ZFR2: variants seen among roughly 807,000 people sequenced by gnomAD.
ZFR2 encodes zinc finger RNA-binding protein 2.
A neutral mutation model predicts 105.7 loss-of-function variants in ZFR2; 104 were observed. The observed-to-expected ratio is 0.98, with a 90% CI of 0.84 to 1.16. The LOEUF (loss-of-function observed/expected upper bound fraction) is 1.16, where lower values mean the gene tolerates loss of function less well. Among genes scored for constraint, ZFR2 ranks in the 50% most tolerant of loss-of-function variants. ZFR2 has a pLI of 0.00. For synonymous variants in ZFR2, 634 were observed against 597.7 expected (o/e 1.06, Z -0.89); for missense variants, 1,425 against 1,355.5 (o/e 1.05, Z -0.80).
At chr19:3,864,021 G>A (rs1305426360) in intron 1 of ZFR2, among the ~76,000 whole-genome samples, 2 of 152,116 alleles carry the variant, frequency 1.3e-5, no homozygotes, top group African/African-American at 2.4e-5. Flanking sequence ...AGAGTGTGAT[G>A]GCGTTCCAAC....
chr19:3,846,524 G>A (rs1305715063), intron 1 of ZFR2, among the ~76,000 whole-genome samples: 2 of 152,282 alleles, frequency 1.3e-5, no homozygotes, highest in East Asian at 1.9e-4. Context: ...CATATGGTAG[G>A]CAGGCTTCCA....
intron 12 of ZFR2, among the ~76,000 whole-genome samples, chr19:3,817,126 G>A (rs1286319639): frequency 6.6e-6 from 1 of 152,170 alleles, no homozygotes; most frequent in Non-Finnish European, 1.5e-5. Flanking sequence ...CAAACGCTAA[G>A]CCCCAGGCCC....
intron 16 of ZFR2, among the ~76,000 whole-genome samples, chr19:3,810,162 C>T (rs561385083): frequency 1.6e-4 from 24 of 152,076 alleles, no homozygotes; most frequent in Non-Finnish European, 2.5e-4. Flanking sequence ...GGGGGACGCC[C>T]GCAGGGCGGG....
At chr19:3,807,368 G>C (rs1161033015) in intron 17 of ZFR2, 99 bp from the exon 18 acceptor site, 1 of 835,296 alleles carries the variant, frequency 1.2e-6, no homozygotes. Flanking sequence ...TCAGGGGCCC[G>C]TGCATGGGGC....
intron 1 of ZFR2, among the ~76,000 whole-genome samples, chr19:3,850,900 C>CAAA (rs59933286): frequency 9.4e-4 from 87 of 92,406 alleles, no homozygotes; most frequent in Middle Eastern, 6.4e-3. Context: ...GCAGTCTTTT[C>CAAA]AAAAAAAAAA....
intron 10 of ZFR2, 134 bp downstream of exon 10, chr19:3,821,206 G>A (rs375548867): frequency 1.2e-4 from 153 of 1,278,344 alleles, no homozygotes; most frequent in South Asian, 3.6e-4. Flanking sequence ...CCCACTGCCC[G>A]GGCACCCGTC....
chr19:3,822,277 G>A (rs890314268), intron 8 of ZFR2, 77 bp from the exon 9 acceptor site: 6 of 1,529,906 alleles, frequency 3.9e-6, no homozygotes, highest in Admixed American at 2.0e-5. Context: ...GCCAGGTCGC[G>A]GCGGAGCCTT....
At chr19:3,859,595 C>T (rs547874699) in intron 1 of ZFR2, among the ~76,000 whole-genome samples, 3 of 152,342 alleles carry the variant, frequency 2.0e-5, no homozygotes, top group South Asian at 2.1e-4. Context: ...GGTGGGTCTG[C>T]GACTGCGTGC....
intron 8 of ZFR2, 124 bp from the exon 9 acceptor site, chr19:3,822,324 T>A (rs1332305583): frequency 1.4e-6 from 2 of 1,429,920 alleles, no homozygotes; most frequent in Non-Finnish European, 1.9e-6. Context: ...TATGTCTTTT[T>A]AGAGACAGCG....
At chr19:3,830,954 TACAC>T (rs919836552) in intron 5 of ZFR2, among the ~76,000 whole-genome samples, 13 of 148,316 alleles carry the variant, frequency 8.8e-5, no homozygotes, top group South Asian at 2.2e-4. Flanking sequence ...TGCGCACACA[TACAC>T]ACACGCACAC....
chr19:3,860,789 G>T (rs899394704), intron 1 of ZFR2, among the ~76,000 whole-genome samples: 3 of 152,084 alleles, frequency 2.0e-5, no homozygotes, highest in African/African-American at 7.2e-5. Flanking sequence ...GACATCTCAG[G>T]AACAAGGAGG....
intron 17 of ZFR2, among the ~76,000 whole-genome samples, chr19:3,808,445 G>A (rs953269229): frequency 6.6e-6 from 1 of 152,248 alleles, no homozygotes; most frequent in Non-Finnish European, 1.5e-5. Context: ...CTCTGCTGGT[G>A]TAGAACGCAT....
At chr19:3,819,013 G>T (rs760895573) in intron 12 of ZFR2, 32 bp downstream of exon 12, 1 of 1,602,102 alleles carries the variant, frequency 6.2e-7, no homozygotes, top group Non-Finnish European at 8.5e-7. Flanking sequence ...CTGGCTGAGA[G>T]CCGGGCCCTG....
rs904016413 is a variant in ZFR2 at position 3,823,890 on chromosome 19, G to A, written c.1214-487C>T. Among the ~76,000 whole-genome samples the A allele has an allele frequency of 4.6e-5, 7 of 152,270 alleles. No homozygotes were observed. Among genetic ancestry groups the A allele is most frequent in the East Asian group, 1.9e-4 (1 of 5,188 alleles). On this transcript the variant is annotated intron_variant, in intron 7 of 18. Transcript: ENST00000262961. The surrounding 1 kb of genome is among the most constrained non-coding windows in gnomAD (Gnocchi z 5.4). ...TGTGGCTCCCTCGACCCCTGCCCAC[G>A]CACAGCACGGTGGTCCAGGGCAGAG...
intron 8 of ZFR2, 71 bp from the exon 9 acceptor site, chr19:3,822,271 G>C (rs2037905061): frequency 6.5e-7 from 1 of 1,532,476 alleles, no homozygotes. Context: ...ACCGCTGCCA[G>C]GTCGCGGCGG....
chr19:3,867,756 C>T (rs979849910), intron 1 of ZFR2, among the ~76,000 whole-genome samples: 7 of 152,076 alleles, frequency 4.6e-5, no homozygotes, highest in African/African-American at 1.7e-4. Context: ...TCTCTGTCCC[C>T]CTTCCCCAGT....
rs2038095872 is a variant in ZFR2, at chr19:3,838,043, T to C, written c.54-3060A>G. On this transcript the variant is annotated intron_variant, in intron 1 of 18. Coordinates refer to ENST00000262961, the MANE Select transcript of ZFR2 (RefSeq NM_015174.2). This position sits in a 1 kb window ranked among gnomAD's most constrained non-coding sequence, Gnocchi z 4.9. ...TGAACACCGTGACTGTGACACACGA[T>C]GAACACCATGACCGTGACACGTGAT... Among the ~76,000 whole-genome samples the C allele has an allele frequency of 6.7e-6, 1 of 150,264 alleles. No homozygotes were observed. Among genetic ancestry groups the C allele is most frequent in the Non-Finnish European group, 1.5e-5 (1 of 67,678 alleles).
intron 1 of ZFR2, among the ~76,000 whole-genome samples, chr19:3,848,143 G>A (rs1029666889): frequency 2.0e-5 from 3 of 152,256 alleles, no homozygotes; most frequent in Non-Finnish European, 4.4e-5. Context: ...TGGGCACAGT[G>A]GCTCACGCCT....
intron 1 of ZFR2, among the ~76,000 whole-genome samples, chr19:3,847,769 A>T (rs2038197753): frequency 6.6e-6 from 1 of 152,016 alleles, no homozygotes; most frequent in African/African-American, 2.4e-5. Context: ...CTTATTCTAG[A>T]GTGGCTTCTT....
Sources: gnomAD v4.1 joint callset for allele counts (sites outside exome capture counted in the v4.1 genomes callset) on GRCh38, gnomAD v4.1.1 for gene constraint, Gnocchi (gnomAD v3.1) non-coding constraint, MANE v1.5 for transcripts, NCBI Gene and HGNC (gene_info 2026-07-23, HGNC 2026-07-21) for gene names.